ADGRA2: variants seen among roughly 807,000 people sequenced by gnomAD.
The protein encoded by ADGRA2 is adhesion G protein-coupled receptor A2, also known as G-protein coupled receptor 124.
In ADGRA2, 61 loss-of-function variants were observed where a neutral mutation model predicts 98.7. The ratio of observed to expected loss-of-function variants is 0.62; its 90% CI spans 0.50 to 0.76. The LOEUF (loss-of-function observed/expected upper bound fraction) is 0.76. Ranked by LOEUF, ADGRA2 falls within the 30% of genes least tolerant of loss-of-function variation. ADGRA2 has a pLI of 0.00. For synonymous variants in ADGRA2, 858 were observed against 831.5 expected (o/e 1.03, Z -0.55); for missense variants, 1,712 against 1,860.0 (o/e 0.92, Z 1.46).
chr8:37,819,427 A>G (rs1805068461), intron 2 of ADGRA2, among the ~76,000 whole-genome samples: 1 of 152,244 alleles, frequency 6.6e-6, no homozygotes, highest in Non-Finnish European at 1.5e-5. Context: ...GCTAAAGTGC[A>G]GTGGCACGAT....
At chr8:37,799,613 G>A (rs1345451973) in intron 1 of ADGRA2, among the ~76,000 whole-genome samples, 1 of 152,206 alleles carries the variant, frequency 6.6e-6, no homozygotes, top group Non-Finnish European at 1.5e-5. Context: ...CCACTCCACA[G>A]AGAGAGCTGG....
rs574234648 is a variant in ADGRA2 at position 37,830,284 on chromosome 8, A to C, written c.718+270A>C. Among the ~76,000 whole-genome samples, 1 of 152,186 alleles carries C rather than the reference A, an allele frequency of 6.6e-6. No homozygotes were observed. Among genetic ancestry groups the C allele is most frequent in the Admixed American group, 6.5e-5 (1 of 15,292 alleles). On this transcript the variant is annotated intron_variant, in intron 6 of 18. Coordinates refer to ENST00000412232, the MANE Select transcript of ADGRA2 (RefSeq NM_032777.10). This position sits in a 1 kb window ranked among gnomAD's most constrained non-coding sequence, Gnocchi z 4.8. ...CAACAGCTCTCCCACAAAAAGAATC[A>C]CATTTACTATCCCAGCGACCCTCCC...
Position 37,830,610 on chromosome 8 carries a change from G to GCGGCCCCC in ADGRA2, c.719-99_719-98insGGCCCCCC. The GCGGCCCCC allele has an allele frequency of 1.7e-6, 1 of 579,886 alleles. No homozygotes were observed. The allele number at this position is 579,886 out of a possible 1,614,324, so 35.9% of individuals were successfully genotyped here. A position where few individuals can be genotyped will look rare whatever the true frequency, so the allele number is the denominator to read the frequency against. On this transcript the variant is annotated intron_variant, in intron 6 of 18. Coordinates refer to ENST00000412232, the MANE Select transcript of ADGRA2 (RefSeq NM_032777.10). The surrounding 1 kb of genome is among the most constrained non-coding windows in gnomAD (Gnocchi z 4.8). ...AGCTGGAGCAGGCTGCAGGCCGAGG[G>GCGGCCCCC]CCCCGCCCCGCCCCACCCCATCCTG...
rs1258635627 is a variant in ADGRA2, at chr8:37,843,468, T to C, written c.*1113T>C. ...GTCCCTGCAGGTCATGAGGGGCCTA[T>C]GCCTTTACTCCTTTTAAACACCAGC... On this transcript the variant is annotated 3_prime_UTR_variant, in exon 19 of 19. Transcript: ENST00000412232. The C allele has an allele frequency of 6.6e-6, 1 of 152,242 alleles. No individual in the cohort carries two copies. The highest frequency in any genetic ancestry group is 2.4e-5 in the African/African-American group (1 of 41,452). 9.4% of individuals were successfully genotyped at this position (152,242 alleles called of 1,614,324 possible).
chr8:37,835,839 G>A, intron 13 of ADGRA2, 69 bp downstream of exon 13: 1 of 973,860 alleles, frequency 1.0e-6, no homozygotes, highest in Non-Finnish European at 1.6e-6. Flanking sequence ...CCTTTATCCT[G>A]CCCTTCCCTG....
Position 37,841,779 on chromosome 8 carries a change from C to T in ADGRA2, c.3441C>T (p.Cys1147=). The change falls in exon 19 of 19, where the codon TGC becomes TGT. Residue 1147 remains cysteine (C), a synonymous_variant. Coordinates refer to ENST00000412232, the MANE Select transcript of ADGRA2 (RefSeq NM_032777.10). The surrounding 1 kb of genome is among the most constrained non-coding windows in gnomAD (Gnocchi z 5.0). The part of the protein sequence containing the change: ...TNLQLAQSQV[C]EAGAAAGGEG... ...TGCAGCTGGCCCAGAGTCAGGTGTG[C>T]GAGGCGGGGGCGGCGGCCGGCGGGG... is the stretch of plus-strand genomic sequence containing the variant. 6.5e-7 allele frequency: 1 copy of T among 1,535,664 alleles called. No homozygotes were observed.
chr8:37,830,837 C>T lies in ADGRA2; in HGVS notation c.846C>T (p.Tyr282=). Residue 282 remains tyrosine (Y), a synonymous_variant, in exon 7 of 19, where the codon TAC becomes TAT. Coordinates refer to ENST00000412232, the MANE Select transcript of ADGRA2 (RefSeq NM_032777.10). This position sits in a 1 kb window ranked among gnomAD's most constrained non-coding sequence, Gnocchi z 4.8. ...YLGNDTRIRW[Y]HNRAPVEGDE... ...GCAACGACACCCGCATCCGCTGGTA[C>T]CACAACCGAGCCCCTGTGGAGGGTG... 2.5e-6 allele frequency: 4 copies of T among 1,592,330 alleles called. No individual in the cohort carries two copies. In the Admixed American group the frequency reaches 7.0e-5, roughly 28 times the overall value.
At chr8:37,840,340 G>C in intron 17 of ADGRA2, 74 bp downstream of exon 17, 2 of 1,515,840 alleles carry the variant, frequency 1.3e-6, no homozygotes, top group Non-Finnish European at 1.8e-6. Flanking sequence ...CCCAAGGTGG[G>C]TGAAGGGTGA....
chr8:37,819,784 C>G (rs1408505369), intron 2 of ADGRA2, among the ~76,000 whole-genome samples: 1 of 152,190 alleles, frequency 6.6e-6, no homozygotes, highest in Non-Finnish European at 1.5e-5. Context: ...GATTCTCCTG[C>G]CTCAGACTCC....
chr8:37,803,771 G>A (rs1350164253), intron 1 of ADGRA2, among the ~76,000 whole-genome samples: 1 of 152,124 alleles, frequency 6.6e-6, no homozygotes, highest in Non-Finnish European at 1.5e-5. Flanking sequence ...GTGAGGCACG[G>A]GAGCCCCATC....
intron 1 of ADGRA2, among the ~76,000 whole-genome samples, chr8:37,807,144 A>C (rs2129917024): frequency 6.6e-6 from 1 of 152,318 alleles, no homozygotes. Context: ...TTCTATTGCC[A>C]GTCGGTGTTC....
rs1346428037 is a variant in ADGRA2, at chr8:37,831,471, G to C, written c.981G>C (p.Glu327Asp). 1 of 1,613,420 alleles carries C rather than the reference G, an allele frequency of 6.2e-7. No homozygotes were observed. Residue 327 changes from glutamate (E) to aspartate (D), a missense_variant, in exon 8 of 19, where the codon GAG becomes GAC. Transcript: ENST00000412232. ...HIGVWASGEW[E>D]CTVSMAQGNA... ...GCGTGTGGGCCTCAGGCGAGTGGGA[G>C]TGCACCGTGTCCATGGCCCAAGGCA...
rs1563348000 is a variant in ADGRA2 at position 37,830,170 on chromosome 8, G to A, written c.718+156G>A. On this transcript the variant is annotated intron_variant, in intron 6 of 18. Coordinates refer to ENST00000412232, the MANE Select transcript of ADGRA2 (RefSeq NM_032777.10). This position sits in a 1 kb window ranked among gnomAD's most constrained non-coding sequence, Gnocchi z 4.8. The stretch of plus-strand genomic sequence containing the variant: ...ACTGAGTCCTGCTCTTGCATTTAGG[G>A]AGACCTTATCTTTATGTATAAATCA... Among the ~76,000 whole-genome samples the A allele has an allele frequency of 6.6e-6, 1 of 152,210 alleles. No homozygotes were observed. The highest frequency in any genetic ancestry group is 1.5e-5 in the Non-Finnish European group (1 of 68,042).
chr8:37,818,479 A>T (rs931569076), intron 2 of ADGRA2, among the ~76,000 whole-genome samples: 3 of 152,254 alleles, frequency 2.0e-5, no homozygotes, highest in African/African-American at 7.2e-5. Flanking sequence ...AGGCAATCAG[A>T]AGAACCAGGG....
chr8:37,832,963 G>T (rs749932206), intron 8 of ADGRA2, 47 bp from the exon 9 acceptor site: 3 of 1,459,308 alleles, frequency 2.1e-6, no homozygotes, highest in African/African-American at 1.4e-5. Context: ...AAGGGCTGTT[G>T]TTCTGAGAAG....
intron 16 of ADGRA2, 32 bp downstream of exon 16, chr8:37,839,654 C>A (rs764943145): frequency 6.2e-7 from 1 of 1,610,618 alleles, no homozygotes; most frequent in South Asian, 1.1e-5. Context: ...GGGGGTGGTG[C>A]TCCGAGATGA....
At chr8:37,812,501 C>A (rs181221885) in intron 1 of ADGRA2, among the ~76,000 whole-genome samples, 2,602 of 152,180 alleles carry the variant, frequency 0.017, 82 homozygotes, top group African/African-American at 0.06. Flanking sequence ...GTGGCGGGCA[C>A]CTGTAGTCCC....
chr8:37,840,779 G>A lies in ADGRA2; in HGVS notation c.2677G>A (p.Gly893Arg). Residue 893 changes from glycine to arginine, a missense_variant, in exon 18 of 19, where the codon GGG (glycine) becomes AGG (arginine). Coordinates refer to ENST00000412232, the MANE Select transcript of ADGRA2 (RefSeq NM_032777.10). ...PMLRFYLIAG[G>R]IPLIICGITA... ...CTCCAGGTTCTATTTGATCGCTGGAGGGATTCCACTCATTATCTGTGGCAT... is the reference window on the plus strand; with the variant it reads ...CTCCAGGTTCTATTTGATCGCTGGAAGGATTCCACTCATTATCTGTGGCAT... The A allele has an allele frequency of 6.2e-7, 1 of 1,603,518 alleles. No individual in the cohort carries two copies. The highest frequency in any genetic ancestry group is 8.5e-7 in the Non-Finnish European group (1 of 1,170,814).
In ADGRA2 at chr8:37,844,641, C is replaced by A. The variant is rs765024570; in HGVS notation, c.*2286C>A. 19 of 1,614,124 alleles carry A rather than the reference C, an allele frequency of 1.2e-5. No individual in the cohort carries two copies. Among genetic ancestry groups the A allele is most frequent in the Non-Finnish European group, 1.6e-5 (19 of 1,180,030 alleles). ...GACAGTGGAGACAGGGGGTACAGGG[C>A]AGATCCGCTTCGGGGACTTCAACAT... On this transcript the variant is annotated 3_prime_UTR_variant, in exon 19 of 19. Coordinates refer to ENST00000412232, the MANE Select transcript of ADGRA2 (RefSeq NM_032777.10).
Sources: allele counts gnomAD v4.1 joint callset (sites outside exome capture counted in the v4.1 genomes callset), GRCh38; gene constraint gnomAD v4.1.1; non-coding constraint Gnocchi (gnomAD v3.1); transcripts MANE v1.5; gene names NCBI Gene and HGNC (gene_info 2026-07-23, HGNC 2026-07-21).